MAP3K4: variants seen among roughly 807,000 people sequenced by gnomAD.
MAP3K4 encodes mitogen-activated protein kinase kinase kinase 4, also known as MAP three kinase 1.
In MAP3K4, 67 loss-of-function variants were observed where a neutral mutation model predicts 185.6. That is an observed-to-expected ratio of 0.36 (90% CI 0.30 to 0.44). MAP3K4 has a LOEUF of 0.44. Ranked by LOEUF, MAP3K4 falls within the 20% of genes least tolerant of loss-of-function variation. MAP3K4 has a pLI of 1.00. For synonymous variants in MAP3K4, 702 were observed against 710.4 expected (o/e 0.99, Z 0.19); for missense variants, 1,551 against 1,995.1 (o/e 0.78, Z 4.24).
Position 161,049,639 on chromosome 6 carries a change from G to A in MAP3K4, c.1367G>A (p.Ser456Asn). The change falls in exon 3 of 27, where the codon AGT becomes AAT. Residue 456 changes from serine to asparagine, a missense_variant. Coordinates refer to ENST00000392142, the MANE Select transcript of MAP3K4 (RefSeq NM_005922.4). This position sits in a 1 kb window ranked among gnomAD's most constrained non-coding sequence, Gnocchi z 8.4. Reference sequence around the variant, plus strand: ...GAAGGAGAATTAAAGGAGTTGGAAAGTAGTACGGATGAGAGTGAAGAAGAA... The same window carrying A: ...GAAGGAGAATTAAAGGAGTTGGAAAATAGTACGGATGAGAGTGAAGAAGAA... ...DTEGELKELE[S>N]STDESEEEQI... The A allele has an allele frequency of 6.8e-6, 11 of 1,614,200 alleles. No homozygotes were observed. Among genetic ancestry groups the A allele is most frequent in the Non-Finnish European group, 7.6e-6 (9 of 1,180,038 alleles).
Position 161,008,006 on chromosome 6 carries a change from T to G in MAP3K4, c.152+15923T>G, listed in dbSNP as rs932943853. On this transcript the variant is annotated intron_variant, in intron 1 of 26. Transcript: ENST00000392142. The surrounding 1 kb of genome is among the most constrained non-coding windows in gnomAD (Gnocchi z 4.1). The stretch of plus-strand genomic sequence containing the variant: ...AATTAAACTTTTTATGTGATAAATA[T>G]GGTAAGGCATAGCTATTGTCTTCTA... Among the ~76,000 whole-genome samples, 1 of 152,184 alleles carries G rather than the reference T, an allele frequency of 6.6e-6. No individual in the cohort carries two copies. Among genetic ancestry groups the G allele is most frequent in the East Asian group, 1.9e-4 (1 of 5,202 alleles).
chr6:161,044,593 C>A (rs1328571643), intron 2 of MAP3K4, among the ~76,000 whole-genome samples: 3 of 152,200 alleles, frequency 2.0e-5, no homozygotes, highest in Non-Finnish European at 4.4e-5. Flanking sequence ...TTATAGAGGC[C>A]TAACTGGTCA....
intron 1 of MAP3K4, among the ~76,000 whole-genome samples, chr6:161,001,553 T>G (rs1337072767): frequency 6.6e-6 from 1 of 152,240 alleles, no homozygotes; most frequent in African/African-American, 2.4e-5. Context: ...TTATTATGTT[T>G]GCCTTCAGTA....
intron 1 of MAP3K4, among the ~76,000 whole-genome samples, chr6:161,001,027 ATT>A (rs1562472263): frequency 0.013 from 168 of 13,212 alleles, 10 homozygotes; most frequent in African/African-American, 0.072. Context: ...TATAATATAT[ATT>A]ATATATTATA....
In MAP3K4 at chr6:161,040,956, C is replaced by G. The variant is rs1353748718; in HGVS notation, c.343+6507C>G. On this transcript the variant is annotated intron_variant, in intron 2 of 26. Transcript: ENST00000392142. Reference sequence around the variant, plus strand: ...TGCAGGTGCAGTTAACCTCCCTAACCTGTTGATGTTGAGTTAATGAAAGGG... The same window carrying G: ...TGCAGGTGCAGTTAACCTCCCTAACGTGTTGATGTTGAGTTAATGAAAGGG... Among the ~76,000 whole-genome samples, 18 of 152,332 alleles carry G rather than the reference C, an allele frequency of 1.2e-4. No homozygotes were observed. The South Asian group carries it at 3.7e-3, about 32-fold the overall frequency.
intron 1 of MAP3K4, among the ~76,000 whole-genome samples, chr6:161,009,685 TA>T (rs980535204): frequency 1.8e-4 from 27 of 151,932 alleles, no homozygotes; most frequent in African/African-American, 6.3e-4. Flanking sequence ...TATGTGCATT[TA>T]AAAAAAAATC....
chr6:161,045,611 A>G (rs1025920310), intron 2 of MAP3K4, among the ~76,000 whole-genome samples: 3 of 152,208 alleles, frequency 2.0e-5, no homozygotes, highest in African/African-American at 7.2e-5. Context: ...TTCTGGGACT[A>G]TTAAAGTCAT....
chr6:161,110,773 G>A lies in MAP3K4; in HGVS notation c.4396+859G>A, dbSNP rs537795896. Among the ~76,000 whole-genome samples the A allele has an allele frequency of 3.3e-5, 5 of 152,254 alleles. No individual in the cohort carries two copies. The highest frequency in any genetic ancestry group is 9.6e-5 in the African/African-American group (4 of 41,550). The stretch of plus-strand genomic sequence containing the variant: ...CACCCTGAATCACCCAGCATACACC[G>A]GTCTCATTGGCTGCCTGCCTGTCCG... On this transcript the variant is annotated intron_variant, in intron 23 of 26. Transcript: ENST00000392142. The surrounding 1 kb of genome is among the most constrained non-coding windows in gnomAD (Gnocchi z 4.8).
Position 161,076,052 on chromosome 6 carries a change from A to G in MAP3K4, c.2097+2440A>G, listed in dbSNP as rs965918026. The stretch of plus-strand genomic sequence containing the variant: ...GGAAAAATTCCTTCTTCAGAGAAGG[A>G]GGAAATTGGCCACAATATCCTTTCC... On this transcript the variant is annotated intron_variant, in intron 5 of 26. Transcript: ENST00000392142. The surrounding 1 kb of genome is among the most constrained non-coding windows in gnomAD (Gnocchi z 4.2). Among the ~76,000 whole-genome samples, 2 of 152,198 alleles carry G rather than the reference A, an allele frequency of 1.3e-5. No individual in the cohort carries two copies. Among genetic ancestry groups the G allele is most frequent in the African/African-American group, 4.8e-5 (2 of 41,436 alleles).
intron 5 of MAP3K4, among the ~76,000 whole-genome samples, chr6:161,079,624 C>T (rs115777452): frequency 7.0e-4 from 106 of 152,254 alleles, no homozygotes; most frequent in African/African-American, 2.3e-3. Flanking sequence ...CCTTGGGGGC[C>T]GCAAGGAAGA....
chr6:161,085,509 G>A (rs537411495), intron 7 of MAP3K4, among the ~76,000 whole-genome samples: 10 of 152,290 alleles, frequency 6.6e-5, no homozygotes, highest in South Asian at 6.2e-4. Context: ...CAAACTTGGC[G>A]AAAGCTCATA....
intron 1 of MAP3K4, among the ~76,000 whole-genome samples, chr6:161,009,550 T>A (rs777856153): frequency 7.9e-5 from 12 of 152,200 alleles, no homozygotes; most frequent in Admixed American, 3.9e-4. Context: ...GGTTCATCCA[T>A]GTTACGGGGT....
chr6:161,087,953 A>C lies in MAP3K4; in HGVS notation c.2822A>C (p.Gln941Pro). 1 of 1,609,042 alleles carries C rather than the reference A, an allele frequency of 6.2e-7. No individual in the cohort carries two copies. The highest frequency in any genetic ancestry group is 8.5e-7 in the Non-Finnish European group (1 of 1,178,692). Reference sequence around the variant, plus strand: ...ACTGTTGACACCCTGAGAAGCATGCAGGTACAGCTCATCTCCATCTTTGCA... The same window carrying C: ...ACTGTTGACACCCTGAGAAGCATGCCGGTACAGCTCATCTCCATCTTTGCA... ...VETVDTLRSM[Q>P]VDNLLLVVMQ... Residue 941 changes from glutamine to proline, a missense_variant and splice_region_variant, in exon 10 of 27, where the codon CAG becomes CCG. Physicochemically the swap from Gln to Pro is moderately conservative, Grantham distance 76. Coordinates refer to ENST00000392142, the MANE Select transcript of MAP3K4 (RefSeq NM_005922.4). The surrounding 1 kb of genome is among the most constrained non-coding windows in gnomAD (Gnocchi z 4.9).
intron 1 of MAP3K4, among the ~76,000 whole-genome samples, chr6:161,030,002 G>T (rs987682516): frequency 1.3e-5 from 2 of 152,012 alleles, no homozygotes; most frequent in Non-Finnish European, 2.9e-5. Context: ...CAGCAATTTG[G>T]TTATGATGTA....
In MAP3K4 at chr6:161,093,905, G is replaced by T; in HGVS notation, c.3427+54G>T. The T allele has an allele frequency of 1.5e-6, 2 of 1,312,614 alleles. No individual in the cohort carries two copies. Among genetic ancestry groups the T allele is most frequent in the South Asian group, 1.2e-5 (1 of 81,528 alleles). The allele number at this position is 1,312,614 out of a possible 1,614,324, so 81.3% of individuals were successfully genotyped here. A position where few individuals can be genotyped will look rare whatever the true frequency, so the allele number is the denominator to read the frequency against. On this transcript the variant is annotated intron_variant, in intron 15 of 26. Transcript: ENST00000392142. The surrounding 1 kb of genome is among the most constrained non-coding windows in gnomAD (Gnocchi z 5.2). ...TGGAACATAATGATTTGAGTGGACA[G>T]ATCCTCTTGTAATTGCAGTCGTTTA...
intron 1 of MAP3K4, among the ~76,000 whole-genome samples, chr6:161,000,235 A>G (rs1464386944): frequency 6.6e-6 from 1 of 152,222 alleles, no homozygotes; most frequent in Non-Finnish European, 1.5e-5. Flanking sequence ...AACCTACTAA[A>G]TTGATTTTAT....
chr6:161,099,737 A>G (rs1777745128), intron 17 of MAP3K4, among the ~76,000 whole-genome samples: 1 of 152,210 alleles, frequency 6.6e-6, no homozygotes, highest in Admixed American at 6.5e-5. Flanking sequence ...CCCGAACTGG[A>G]CAATAGGGAG....
At chr6:161,085,532 C>T (rs1785669461) in intron 7 of MAP3K4, among the ~76,000 whole-genome samples, 1 of 152,196 alleles carries the variant, frequency 6.6e-6, no homozygotes, top group Admixed American at 6.5e-5. Flanking sequence ...GAACTGACTT[C>T]TCCAAAGCGA....
In MAP3K4 at chr6:161,073,013, A is replaced by C. The variant is rs1473468041; in HGVS notation, c.1951-453A>C. On this transcript the variant is annotated intron_variant, in intron 4 of 26. Transcript: ENST00000392142. The surrounding 1 kb of genome is among the most constrained non-coding windows in gnomAD (Gnocchi z 4.2). ...GGCCACAAATCACAGTAGGTAAACT[A>C]TGCTAAATTATTGCGAAGGCCACCT... Among the ~76,000 whole-genome samples, 1 of 152,190 alleles carries C rather than the reference A, an allele frequency of 6.6e-6. No homozygotes were observed. The highest frequency in any genetic ancestry group is 1.9e-4 in the East Asian group (1 of 5,196).
Sources: allele counts gnomAD v4.1 joint callset (sites outside exome capture counted in the v4.1 genomes callset), GRCh38; gene constraint gnomAD v4.1.1; non-coding constraint Gnocchi (gnomAD v3.1); transcripts MANE v1.5; gene names NCBI Gene and HGNC (gene_info 2026-07-23, HGNC 2026-07-21).